The following NFAM1 variants were observed in gnomAD, a reference collection of about 807,000 sequenced individuals.
NFAM1 encodes the protein NFAT activating protein with ITAM motif 1.
NFAM1 carries 17 observed loss-of-function variants against 29.0 expected under a neutral mutation model. The ratio of observed to expected loss-of-function variants is 0.59; its 90% confidence interval spans 0.40 to 0.88. NFAM1 has a LOEUF of 0.88. Among genes scored for constraint, NFAM1 ranks in the 40% least tolerant of loss-of-function variants. The probability of loss-of-function intolerance (pLI) is 0.00; values close to 1 mark genes in which losing one functional copy is unlikely to be tolerated. For synonymous variants in NFAM1, 175 were observed against 147.2 expected (o/e 1.19, Z -1.36); for missense variants, 324 against 344.6 (o/e 0.94, Z 0.47).
intron 4 of NFAM1, among the ~76,000 whole-genome samples, chr22:42,395,116 G>A: frequency 6.6e-6 from 1 of 151,884 alleles, no homozygotes; most frequent in East Asian, 1.9e-4. Context: ...GGAGGTTGAA[G>A]TAAGCCAAGA....
chr22:42,390,743 GGAGGTAGA>G (rs1929307496), intron 4 of NFAM1, among the ~76,000 whole-genome samples: 1 of 151,632 alleles, frequency 6.6e-6, no homozygotes, highest in Non-Finnish European at 1.5e-5. Context: ...CTTGAACCCG[GGAGGTAGA>G]GGTTGCAGTG....
At chr22:42,423,201 C>G (rs1203740738) in intron 1 of NFAM1, among the ~76,000 whole-genome samples, 2 of 151,454 alleles carry the variant, frequency 1.3e-5, no homozygotes, top group Non-Finnish European at 2.9e-5. Context: ...CACCCAAAGT[C>G]TCACCAAGGA....
chr22:42,426,521 C>A (rs1161883923), intron 1 of NFAM1, among the ~76,000 whole-genome samples: 1 of 152,222 alleles, frequency 6.6e-6, no homozygotes, highest in Non-Finnish European at 1.5e-5. Flanking sequence ...GACTCTGCAG[C>A]CCCTCCTCTG....
intron 4 of NFAM1, among the ~76,000 whole-genome samples, chr22:42,392,007 C>T (rs1292666383): frequency 1.4e-5 from 2 of 147,670 alleles, no homozygotes; most frequent in Non-Finnish European, 3.0e-5. Context: ...TTTAGACATT[C>T]AAGTGGGGTT....
intron 1 of NFAM1, among the ~76,000 whole-genome samples, chr22:42,412,136 G>C (rs111282070): frequency 4.1e-4 from 63 of 152,182 alleles, no homozygotes; most frequent in African/African-American, 1.5e-3. Context: ...GGAGACTGAC[G>C]CAGGAGAATC....
At chr22:42,433,818 C>T (rs149557735), upstream of NFAM1, among the ~76,000 whole-genome samples, 14 of 152,304 alleles carry the variant, frequency 9.2e-5, no homozygotes, top group South Asian at 2.1e-3. Context: ...GATGCAGACC[C>T]GCTGCTTCAC....
upstream of NFAM1, among the ~76,000 whole-genome samples, chr22:42,434,998 G>A (rs955188316): frequency 1.3e-5 from 2 of 152,254 alleles, no homozygotes; most frequent in Non-Finnish European, 2.9e-5. Flanking sequence ...TCCCTGGGAA[G>A]CCTAGGGGCA....
chr22:42,403,389 G>C (rs1350069276), intron 3 of NFAM1, among the ~76,000 whole-genome samples: 1 of 152,158 alleles, frequency 6.6e-6, no homozygotes, highest in Non-Finnish European at 1.5e-5. Flanking sequence ...CCCAGCCTCT[G>C]TACAGGGCCT....
intron 1 of NFAM1, among the ~76,000 whole-genome samples, chr22:42,417,904 T>A (rs2147113924): frequency 6.6e-6 from 1 of 152,118 alleles, no homozygotes; most frequent in African/African-American, 2.4e-5. Context: ...TTGTTTTGAG[T>A]CTTCAACTCC....
At chr22:42,412,290 G>A (rs1002974810) in intron 1 of NFAM1, among the ~76,000 whole-genome samples, 11 of 152,002 alleles carry the variant, frequency 7.2e-5, no homozygotes, top group Non-Finnish European at 1.2e-4. Flanking sequence ...CTCTGCAGGT[G>A]CAGCCCCTAC....
At chr22:42,402,613 G>A (rs1465554582) in intron 3 of NFAM1, among the ~76,000 whole-genome samples, 3 of 151,998 alleles carry the variant, frequency 2.0e-5, no homozygotes, top group South Asian at 4.2e-4. Flanking sequence ...TGTGAGGCGG[G>A]AGGCCTGCTG....
chr22:42,435,251 T>C (rs1038190562), upstream of NFAM1, among the ~76,000 whole-genome samples: 1 of 152,054 alleles, frequency 6.6e-6, no homozygotes, highest in Non-Finnish European at 1.5e-5. Flanking sequence ...GGAGCCCAGG[T>C]GTCCCCTGCA....
At chr22:42,408,722 G>C (rs897643895) in intron 3 of NFAM1, among the ~76,000 whole-genome samples, 14 of 152,246 alleles carry the variant, frequency 9.2e-5, no homozygotes, top group Non-Finnish European at 1.9e-4. Context: ...AATCCATAGG[G>C]CTGGGTGATG....
Position 42,397,974 on chromosome 22 carries a change from T to A in NFAM1, c.565-18A>T. 1 of 1,446,414 alleles carries A rather than the reference T, an allele frequency of 6.9e-7. No individual in the cohort carries two copies. Among genetic ancestry groups the A allele is most frequent in the Non-Finnish European group, 9.6e-7 (1 of 1,042,018 alleles). The allele number at this position is 1,446,414 out of a possible 1,614,324, so 89.6% of individuals were successfully genotyped here. On this transcript the variant is annotated intron_variant, in intron 3 of 5. Coordinates refer to ENST00000329021, the MANE Select transcript of NFAM1 (RefSeq NM_145912.8). ...ATCCGCTTCTGTAGGGAGAAAGGAG[T>A]CAGGGCCAGGGATGAGTGGCTCTCG...
chr22:42,430,625 C>T (rs540101835), intron 1 of NFAM1, among the ~76,000 whole-genome samples: 3 of 151,026 alleles, frequency 2.0e-5, no homozygotes, highest in Admixed American at 1.3e-4. Context: ...TCTAGGACAC[C>T]GTAAGGGTGT....
Position 42,421,146 on chromosome 22 carries a change from C to T in NFAM1, c.122-9410G>A, listed in dbSNP as rs554322132. On this transcript the variant is annotated intron_variant, in intron 1 of 5. Transcript: ENST00000329021. ...AATGCACCGTGGAAAACTTGGTATGCTCTTATTGAAAATGCTCCCATGGGC... is the reference window on the plus strand; with the variant it reads ...AATGCACCGTGGAAAACTTGGTATGTTCTTATTGAAAATGCTCCCATGGGC... 2.0e-5 allele frequency among the ~76,000 whole-genome samples: 3 copies of T among 152,208 alleles called. No individual in the cohort carries two copies. In the South Asian group the frequency reaches 6.2e-4, roughly 32 times the overall value.
At position 42,388,344 on chromosome 22, in the gene NFAM1, A is replaced by C. The variant is rs1929221712; in HGVS notation, c.664-1266T>G. Among the ~76,000 whole-genome samples, 1 of 152,200 alleles carries C rather than the reference A, an allele frequency of 6.6e-6. No individual in the cohort carries two copies. On this transcript the variant is annotated intron_variant, in intron 4 of 5. Coordinates refer to ENST00000329021, the MANE Select transcript of NFAM1 (RefSeq NM_145912.8). This position sits in a 1 kb window ranked among gnomAD's most constrained non-coding sequence, Gnocchi z 4.1. ...ATACTGTGCACAAAGGGCCACACAC[A>C]CAGTCAGGGAAGTAGTAGGTGCTTA...
In NFAM1 at chr22:42,382,020, G is replaced by GC. The variant is rs1928971071; in HGVS notation, c.*3140_*3141insG. The GC allele has an allele frequency of 6.6e-6, 1 of 152,636 alleles. No individual in the cohort carries two copies. Among genetic ancestry groups the GC allele is most frequent in the Non-Finnish European group, 1.5e-5 (1 of 68,416 alleles). The allele number at this position is 152,636 out of a possible 1,614,324, so 9.5% of individuals were successfully genotyped here. A position where few individuals can be genotyped will look rare whatever the true frequency, so the allele number is the denominator to read the frequency against. ...CCACTGAGCTTCTGCCTGAGCCAGG[G>GC]AGTCCCCTTCTGTCCTTTCTGAGAC... On this transcript the variant is annotated 3_prime_UTR_variant, in exon 6 of 6. Transcript: ENST00000329021.
Position 42,419,956 on chromosome 22 carries a change from G to T in NFAM1, c.122-8220C>A, listed in dbSNP as rs1930378468. On this transcript the variant is annotated intron_variant, in intron 1 of 5. Coordinates refer to ENST00000329021, the MANE Select transcript of NFAM1 (RefSeq NM_145912.8). This position sits in a 1 kb window ranked among gnomAD's most constrained non-coding sequence, Gnocchi z 4.5. Reference sequence around the variant, plus strand: ...TGCAGTGGTAGACATGGGATTTTAAGCTGGGTCCCTTTGAGTCTGTAATCC... The same window carrying T: ...TGCAGTGGTAGACATGGGATTTTAATCTGGGTCCCTTTGAGTCTGTAATCC... 6.9e-6 allele frequency among the ~76,000 whole-genome samples: 1 copy of T among 144,038 alleles called. No homozygotes were observed. 94.5% of individuals were successfully genotyped at this position (144,038 alleles called of 152,430 possible).
Sources: allele counts gnomAD v4.1 joint callset (sites outside exome capture counted in the v4.1 genomes callset), GRCh38; gene constraint gnomAD v4.1.1; non-coding constraint Gnocchi (gnomAD v3.1); transcripts MANE v1.5; gene names NCBI Gene and HGNC (gene_info 2026-07-23, HGNC 2026-07-21).